SCP2: variants seen among roughly 807,000 people sequenced by gnomAD.
SCP2 encodes sterol carrier protein 2, also known as SCP-2/3-oxoacyl-CoA thiolase.
Under a neutral mutation model 71.4 loss-of-function variants are expected in SCP2, and 48 were observed. The observed-to-expected ratio is 0.67, with a 90% CI of 0.53 to 0.86. The LOEUF (loss-of-function observed/expected upper bound fraction) is 0.86, where lower values mean the gene tolerates loss of function less well. Ranked by LOEUF, SCP2 falls within the 40% of genes least tolerant of loss-of-function variation. SCP2 has a pLI of 0.00. For missense variants in SCP2, 560 were observed against 655.6 expected (o/e 0.85, Z 1.59); for synonymous variants, 220 against 218.1 (o/e 1.01, Z -0.08).
chr1:53,009,250 C>T (rs1285876312), intron 11 of SCP2, among the ~76,000 whole-genome samples: 11 of 152,070 alleles, frequency 7.2e-5, no homozygotes, highest in African/African-American at 2.7e-4. Flanking sequence ...TACCAATGAC[C>T]TTCTTCACAG....
At chr1:53,030,511 T>C (rs1478034704) in intron 13 of SCP2, among the ~76,000 whole-genome samples, 1 of 152,166 alleles carries the variant, frequency 6.6e-6, no homozygotes, top group East Asian at 1.9e-4. Flanking sequence ...ATTTATTTAT[T>C]TTTATTTTTG....
chr1:53,006,187 C>T lies in SCP2; in HGVS notation c.1082-8703C>T, dbSNP rs563847013. On this transcript the variant is annotated intron_variant, in intron 11 of 15. Coordinates refer to ENST00000371514, the MANE Select transcript of SCP2 (RefSeq NM_002979.5). Reference sequence around the variant, plus strand: ...CTGAAAGTGAGGGGGAGAATGGAACCAAGTTGGAAAACACTCTTCAGGATA... The same window carrying T: ...CTGAAAGTGAGGGGGAGAATGGAACTAAGTTGGAAAACACTCTTCAGGATA... Among the ~76,000 whole-genome samples, 5 of 152,166 alleles carry T rather than the reference C, an allele frequency of 3.3e-5. No homozygotes were observed. The East Asian group carries it at 9.7e-4, about 29-fold the overall frequency.
At chr1:53,043,048 C>G (rs1663544481) in intron 14 of SCP2, among the ~76,000 whole-genome samples, 2 of 152,152 alleles carry the variant, frequency 1.3e-5, no homozygotes, top group Non-Finnish European at 2.9e-5. Context: ...CTTGAGTTCT[C>G]AACTCTGTCC....
At chr1:52,943,706 T>C (rs1179489138) in intron 2 of SCP2, 2 of 450,828 alleles carry the variant, frequency 4.4e-6, no homozygotes, top group Non-Finnish European at 4.4e-6. Context: ...TTTTAAGTCC[T>C]GAGCAATTTG....
intron 11 of SCP2, among the ~76,000 whole-genome samples, chr1:53,013,222 C>T (rs573385799): frequency 2.0e-5 from 3 of 149,886 alleles, no homozygotes; most frequent in African/African-American, 7.4e-5. Flanking sequence ...CTCAGGCCAT[C>T]CTCCTTCCTC....
intron 5 of SCP2, 150 bp from the exon 6 acceptor site, chr1:52,961,353 T>G: frequency 1.3e-6 from 1 of 756,422 alleles, no homozygotes; most frequent in South Asian, 1.7e-5. Flanking sequence ...TGTTTCCCTG[T>G]GGAGCATGTC....
At chr1:53,048,693 G>A (rs896828379) in intron 15 of SCP2, 2 of 153,402 alleles carry the variant, frequency 1.3e-5, no homozygotes, top group African/African-American at 4.8e-5. Flanking sequence ...AACAACTGTT[G>A]GACTAAATTG....
chr1:52,975,004 C>G (rs1270659113), intron 7 of SCP2, among the ~76,000 whole-genome samples, 172 bp downstream of exon 7: 1 of 152,094 alleles, frequency 6.6e-6, no homozygotes, highest in Non-Finnish European at 1.5e-5. Flanking sequence ...CTTTTCAGTT[C>G]CAGTTTTTGG....
intron 11 of SCP2, among the ~76,000 whole-genome samples, chr1:52,992,215 A>G (rs1486311233): frequency 6.6e-6 from 1 of 151,930 alleles, no homozygotes; most frequent in Non-Finnish European, 1.5e-5. Context: ...GTTAAAAGTG[A>G]ACAGTGAGAA....
chr1:53,039,077 C>T (rs1663231194), intron 14 of SCP2, 31 bp downstream of exon 14: 3 of 1,613,542 alleles, frequency 1.9e-6, no homozygotes, highest in Non-Finnish European at 2.5e-6. Flanking sequence ...ATTCTAGGAG[C>T]ACTGACGAGT....
At chr1:52,935,996 G>C (rs540182133) in intron 1 of SCP2, among the ~76,000 whole-genome samples, 2 of 151,882 alleles carry the variant, frequency 1.3e-5, no homozygotes, top group East Asian at 3.9e-4. Context: ...CTACATGTCT[G>C]TGTTAGGTCA....
intron 14 of SCP2, 86 bp from the exon 15 acceptor site, chr1:53,047,772 G>T (rs1469538124): frequency 2.3e-6 from 2 of 885,154 alleles, no homozygotes; most frequent in South Asian, 1.3e-5. Context: ...TTATAATTCT[G>T]TTGCAGTCAG....
intron 13 of SCP2, among the ~76,000 whole-genome samples, chr1:53,037,275 T>C (rs1219700457): frequency 1.3e-5 from 2 of 152,248 alleles, no homozygotes; most frequent in Non-Finnish European, 2.9e-5. Flanking sequence ...AGGTTGCTCT[T>C]GTTTCTTTTA....
chr1:52,946,087 C>T (rs1162812460), intron 2 of SCP2, among the ~76,000 whole-genome samples: 1 of 151,150 alleles, frequency 6.6e-6, no homozygotes, highest in Admixed American at 6.6e-5. Flanking sequence ...CACCACCACG[C>T]CCCCCTAATT....
intron 14 of SCP2, among the ~76,000 whole-genome samples, chr1:53,046,114 A>T (rs907940057): frequency 4.6e-5 from 7 of 152,192 alleles, no homozygotes; most frequent in Non-Finnish European, 1.0e-4. Flanking sequence ...AAGCCACTAT[A>T]AGCATTCACA....
At chr1:52,994,479 C>T (rs1180531349) in intron 11 of SCP2, 1 of 175,710 alleles carries the variant, frequency 5.7e-6, no homozygotes, top group African/African-American at 2.4e-5. Flanking sequence ...AGAAATCATG[C>T]TTTATAGTAA....
intron 6 of SCP2, among the ~76,000 whole-genome samples, chr1:52,974,043 T>G (rs555706383): frequency 2.0e-5 from 3 of 152,220 alleles, no homozygotes; most frequent in South Asian, 2.1e-4. Context: ...AAGAGAGAGA[T>G]AAAACAGACA....
At chr1:52,931,119 T>C (rs903359506) in intron 1 of SCP2, among the ~76,000 whole-genome samples, 1 of 152,178 alleles carries the variant, frequency 6.6e-6, no homozygotes, top group African/African-American at 2.4e-5. Flanking sequence ...AAGAAAATGA[T>C]ATTAATCCAC....
intron 11 of SCP2, among the ~76,000 whole-genome samples, chr1:52,992,739 G>A (rs1273612956): frequency 6.6e-6 from 1 of 152,072 alleles, no homozygotes; most frequent in Admixed American, 6.5e-5. Flanking sequence ...GTGTATTTAA[G>A]GTTAACAAAG....
Sources: gnomAD v4.1 joint callset for allele counts (sites outside exome capture counted in the v4.1 genomes callset) on GRCh38, gnomAD v4.1.1 for gene constraint, MANE v1.5 for transcripts, NCBI Gene and HGNC (gene_info 2026-07-23, HGNC 2026-07-21) for gene names.